The following FOXK2 variants were observed in gnomAD, a reference collection of about 807,000 sequenced individuals.
The protein encoded by FOXK2 is forkhead box protein K2.
In FOXK2, 24 loss-of-function variants were observed where a neutral mutation model predicts 53.3. That is an observed-to-expected ratio of 0.45 (90% CI 0.33 to 0.63). The LOEUF (loss-of-function observed/expected upper bound fraction) is 0.63, where lower values mean the gene tolerates loss of function less well. FOXK2 is among the 30% of genes least tolerant of loss of function. FOXK2 has a pLI of 0.03. For missense variants in FOXK2, 952 were observed against 910.5 expected (o/e 1.05, Z -0.59); for synonymous variants, 505 against 407.1 (o/e 1.24, Z -2.89).
intron 8 of FOXK2, among the ~76,000 whole-genome samples, chr17:82,598,048 T>G (rs2045335915): frequency 6.6e-6 from 1 of 152,224 alleles, no homozygotes; most frequent in African/African-American, 2.4e-5. Context: ...TTGAGAAGCA[T>G]GTGACTCGTG....
intron 7 of FOXK2, 108 bp from the exon 8 acceptor site, chr17:82,586,948 TTTAGAGA>T (rs2143130501): frequency 1.0e-6 from 1 of 955,912 alleles, no homozygotes; most frequent in African/African-American, 1.6e-5. Context: ...TGCTGTTTGT[TTTAGAGA>T]CATTTTCTAG....
chr17:82,595,469 T>C (rs962907903), intron 8 of FOXK2, among the ~76,000 whole-genome samples: 4 of 152,084 alleles, frequency 2.6e-5, no homozygotes, highest in African/African-American at 9.7e-5. Flanking sequence ...GTCCAGCTAA[T>C]ATTTTTTTTC....
intron 1 of FOXK2, among the ~76,000 whole-genome samples, chr17:82,546,848 A>C (rs2044630308): frequency 6.6e-6 from 1 of 151,994 alleles, no homozygotes; most frequent in African/African-American, 2.4e-5. Flanking sequence ...AGGCCGAGGC[A>C]GATGGATCAC....
chr17:82,523,508 T>C (rs1433379042), intron 1 of FOXK2, among the ~76,000 whole-genome samples: 18 of 152,052 alleles, frequency 1.2e-4, no homozygotes, highest in African/African-American at 4.3e-4. Context: ...TTTTCGCTCT[T>C]GTTGCCTAGG....
chr17:82,520,649 G>T (rs936879425), intron 1 of FOXK2, among the ~76,000 whole-genome samples: 2 of 152,238 alleles, frequency 1.3e-5, no homozygotes, highest in Admixed American at 1.3e-4. Flanking sequence ...GCGAGGTCGC[G>T]CTGAACAGAA....
At position 82,603,112 on chromosome 17, in the gene FOXK2, GAAAGGTATGAAATGACT is replaced by G. The variant is rs1217708061; in HGVS notation, c.*1614_*1630del. ...CAGCGTCACTGCGGTGACGCCCATT[GAAAGGTATGAAATGACT>G]GCACACTAGCTGGATTATCACTCAG... is the stretch of plus-strand genomic sequence containing the variant. On this transcript the variant is annotated 3_prime_UTR_variant, in exon 9 of 9. Coordinates refer to ENST00000335255, the MANE Select transcript of FOXK2 (RefSeq NM_004514.4). 1 of 152,524 alleles carries G rather than the reference GAAAGGTATGAAATGACT, an allele frequency of 6.6e-6. No individual in the cohort carries two copies. The highest frequency in any genetic ancestry group is 6.5e-5 in the Admixed American group (1 of 15,280). 9.4% of individuals were successfully genotyped at this position (152,524 alleles called of 1,614,324 possible).
chr17:82,520,977 G>A (rs2144031341), intron 1 of FOXK2, among the ~76,000 whole-genome samples: 1 of 152,292 alleles, frequency 6.6e-6, no homozygotes, highest in South Asian at 2.1e-4. Context: ...ACAAGGTCAT[G>A]TAGAGTGTTA....
intron 1 of FOXK2, among the ~76,000 whole-genome samples, chr17:82,524,735 C>T (rs1164984392): frequency 2.6e-5 from 4 of 152,142 alleles, no homozygotes; most frequent in Admixed American, 6.6e-5. Flanking sequence ...CGCAGGTGTT[C>T]CTGGGAGACT....
At chr17:82,540,905 A>G (rs2044568613) in intron 1 of FOXK2, among the ~76,000 whole-genome samples, 1 of 152,112 alleles carries the variant, frequency 6.6e-6, no homozygotes, top group African/African-American at 2.4e-5. Flanking sequence ...ATGTGTTAAT[A>G]CTGTGTTGGC....
At chr17:82,540,908 G>A (rs1013152763) in intron 1 of FOXK2, among the ~76,000 whole-genome samples, 1 of 152,172 alleles carries the variant, frequency 6.6e-6, no homozygotes, top group Non-Finnish European at 1.5e-5. Context: ...TGTTAATACT[G>A]TGTTGGCTTG....
chr17:82,562,343 A>G (rs1307542722), intron 1 of FOXK2, among the ~76,000 whole-genome samples: 1 of 152,156 alleles, frequency 6.6e-6, no homozygotes, highest in Non-Finnish European at 1.5e-5. Context: ...CACTTTGGGA[A>G]GCCGAGGTGG....
Position 82,534,226 on chromosome 17 carries a change from G to A in FOXK2, c.419+13919G>A, listed in dbSNP as rs943701068. Among the ~76,000 whole-genome samples the A allele has an allele frequency of 5.9e-5, 9 of 152,080 alleles. 1 individual carries two copies. Among genetic ancestry groups the A allele is most frequent in the African/African-American group, 2.2e-4 (9 of 41,394 alleles). On this transcript the variant is annotated intron_variant, in intron 1 of 8. Coordinates refer to ENST00000335255, the MANE Select transcript of FOXK2 (RefSeq NM_004514.4). ...GCACTATTGCACTCAAGTCTGGGCAGCAGAGCAAAACCTCGACTCGAAAAA... is the reference window on the plus strand; with the variant it reads ...GCACTATTGCACTCAAGTCTGGGCAACAGAGCAAAACCTCGACTCGAAAAA...
chr17:82,553,720 C>T (rs951405526), intron 1 of FOXK2, among the ~76,000 whole-genome samples: 1 of 152,204 alleles, frequency 6.6e-6, no homozygotes, highest in Non-Finnish European at 1.5e-5. Context: ...CCACTAGAAT[C>T]GGCTAAGCTC....
At chr17:82,574,321 C>CTTTTT (rs750973206) in intron 4 of FOXK2, among the ~76,000 whole-genome samples, 3 of 137,220 alleles carry the variant, frequency 2.2e-5, no homozygotes, top group East Asian at 4.3e-4. Context: ...TACTCTCTCT[C>CTTTTT]TTTTTTTTTT....
rs1195020103 is a variant in FOXK2, at chr17:82,563,526, C to T, written c.592C>T (p.Pro198Ser). The T allele has an allele frequency of 6.2e-7, 1 of 1,613,774 alleles. No individual in the cohort carries two copies. The highest frequency in any genetic ancestry group is 1.1e-5 in the South Asian group (1 of 91,032). The change falls in exon 2 of 9, where the codon CCC becomes TCC. Residue 198 changes from proline (P) to serine (S), a missense_variant. Physicochemically the swap from Pro to Ser is moderately conservative, Grantham distance 74. Transcript: ENST00000335255. The part of the protein sequence containing the change: ...DTMAHLISPL[P>S]SPTGTISAAN... ...CATGGCCCACCTCATCAGCCCTCTGCCCTCCCCCACGGGAACCATCAGGTG... is the reference window on the plus strand; with the variant it reads ...CATGGCCCACCTCATCAGCCCTCTGTCCTCCCCCACGGGAACCATCAGGTG...
intron 1 of FOXK2, among the ~76,000 whole-genome samples, chr17:82,560,001 CTTTTTTTTT>C (rs10583366): frequency 1.0e-5 from 1 of 97,576 alleles, no homozygotes; most frequent in East Asian, 2.7e-4. Context: ...TCTGGATAGA[CTTTTTTTTT>C]TTTTTTTTTT....
At chr17:82,561,491 A>G (rs1460994221) in intron 1 of FOXK2, among the ~76,000 whole-genome samples, 1 of 152,034 alleles carries the variant, frequency 6.6e-6, no homozygotes, top group African/African-American at 2.4e-5. Context: ...AGGCTCCGGT[A>G]AGGGGTTGGA....
rs374548358 is a variant in FOXK2 at position 82,576,644 on chromosome 17, A to G, written c.909+4774A>G. 1.7e-5 allele frequency: 19 copies of G among 1,139,678 alleles called. No individual in the cohort carries two copies. The East Asian group carries it at 2.2e-4, about 13-fold the overall frequency. The allele number at this position is 1,139,678 out of a possible 1,614,324, so 70.6% of individuals were successfully genotyped here. A position where few individuals can be genotyped will look rare whatever the true frequency, so the allele number is the denominator to read the frequency against. ...GCAGATTGTTCTGGGAAGCTGGCAC[A>G]GAAGATGATTGACACAACGAAGTCA... is the stretch of plus-strand genomic sequence containing the variant. On this transcript the variant is annotated intron_variant, in intron 4 of 8. Coordinates refer to ENST00000335255, the MANE Select transcript of FOXK2 (RefSeq NM_004514.4).
rs1188839379 is a variant in FOXK2, at chr17:82,520,190, C to G, written c.302C>G (p.Ala101Gly). The G allele has an allele frequency of 1.4e-6, 2 of 1,420,960 alleles. No individual in the cohort carries two copies. Among genetic ancestry groups the G allele is most frequent in the South Asian group, 1.5e-5 (1 of 66,510 alleles). 88.0% of individuals were successfully genotyped at this position (1,420,960 alleles called of 1,614,324 possible). The change falls in exon 1 of 9, where the codon GCG becomes GGG. Residue 101 changes from alanine (A) to glycine (G), a missense_variant. Ala to Gly is a moderately conservative substitution (Grantham distance 60). Transcript: ENST00000335255. ...GGGGCCGCTCCGGAGCTGCCGCCCGCGCAGCCCAGGCCCGACGCCGGCGGC... is the reference window on the plus strand; with the variant it reads ...GGGGCCGCTCCGGAGCTGCCGCCCGGGCAGCCCAGGCCCGACGCCGGCGGC... Reference protein sequence around the residue: ...HGGAAPELPPAQPRPDAGGDF... With the variant: ...HGGAAPELPPGQPRPDAGGDF...
Sources: allele counts gnomAD v4.1 joint callset (sites outside exome capture counted in the v4.1 genomes callset), GRCh38; gene constraint gnomAD v4.1.1; transcripts MANE v1.5; gene names NCBI Gene and HGNC (gene_info 2026-07-23, HGNC 2026-07-21).